SATB2: variants seen among roughly 807,000 people sequenced by gnomAD.
SATB2 encodes SATB homeobox 2.
Under a neutral mutation model 73.4 loss-of-function variants are expected in SATB2, and 1 was observed. That is an observed-to-expected ratio of 0.01 (90% confidence interval 0.00 to 0.06). The LOEUF (loss-of-function observed/expected upper bound fraction) is 0.06, where lower values mean the gene tolerates loss of function less well. SATB2 is among the 10% of genes least tolerant of loss of function. The pLI is 1.00. For missense variants in SATB2, 459 were observed against 945.8 expected (o/e 0.49, Z 6.75); for synonymous variants, 397 against 367.0 (o/e 1.08, Z -0.93).
intron 5 of SATB2, 121 bp downstream of exon 5, chr2:199,380,243 T>G (rs1012829437): frequency 4.0e-6 from 5 of 1,250,474 alleles, no homozygotes; most frequent in Non-Finnish European, 5.8e-6. Flanking sequence ...ACACCTCAAA[T>G]GCAGTTTAAG....
rs1300845546 is a variant in SATB2 at position 199,457,199 on chromosome 2, G to A, written c.-60+140C>T. 4 of 152,456 alleles carry A rather than the reference G, an allele frequency of 2.6e-5. No individual in the cohort carries two copies. 9.4% of individuals were successfully genotyped at this position (152,456 alleles called of 1,614,324 possible). ...TGCGAGATGAAGACACGGAGCAGGA[G>A]GGCTGAGGGCGAGGCTTCCGCCTGC... On this transcript the variant is annotated intron_variant, in intron 1 of 10. Coordinates refer to ENST00000417098, the MANE Select transcript of SATB2 (RefSeq NM_001172509.2). This position sits in a 1 kb window ranked among gnomAD's most constrained non-coding sequence, Gnocchi z 4.8.
At chr2:199,397,840 C>T (rs1690346830) in intron 3 of SATB2, 2 of 379,832 alleles carry the variant, frequency 5.3e-6, no homozygotes, top group African/African-American at 2.2e-5. Flanking sequence ...TGCTCTCCAG[C>T]CTAGGCGACA....
intron 3 of SATB2, among the ~76,000 whole-genome samples, chr2:199,390,390 A>C (rs1690094149): frequency 6.6e-6 from 1 of 152,220 alleles, no homozygotes; most frequent in African/African-American, 2.4e-5. Flanking sequence ...CATCCAGTAC[A>C]TATTTTCTTA....
intron 3 of SATB2, among the ~76,000 whole-genome samples, chr2:199,418,454 G>T (rs900799727): frequency 6.6e-6 from 1 of 152,016 alleles, no homozygotes; most frequent in East Asian, 1.9e-4. Flanking sequence ...CACCATCTAC[G>T]TTTCACTATA....
At chr2:199,401,707 T>C (rs1375180103) in intron 3 of SATB2, among the ~76,000 whole-genome samples, 1 of 151,998 alleles carries the variant, frequency 6.6e-6, no homozygotes, top group Non-Finnish European at 1.5e-5. Flanking sequence ...AAAAAATGTG[T>C]GATGGTCATA....
At chr2:199,333,440 A>G (rs558676632) in intron 7 of SATB2, among the ~76,000 whole-genome samples, 2 of 152,218 alleles carry the variant, frequency 1.3e-5, no homozygotes, top group African/African-American at 4.8e-5. Flanking sequence ...CTTAGCTGGA[A>G]TTTTAAATAT....
At chr2:199,383,225 T>C (rs1438683518) in intron 3 of SATB2, among the ~76,000 whole-genome samples, 1 of 152,204 alleles carries the variant, frequency 6.6e-6, no homozygotes, top group Admixed American at 6.5e-5. Context: ...ATGTCTCCAG[T>C]TCTGGCTCCT....
chr2:199,333,001 C>A (rs1490277552), intron 7 of SATB2, among the ~76,000 whole-genome samples: 1 of 152,030 alleles, frequency 6.6e-6, no homozygotes. Flanking sequence ...TCATTACTGA[C>A]TAGATTTTAA....
At chr2:199,411,423 A>G (rs1690813865) in intron 3 of SATB2, among the ~76,000 whole-genome samples, 1 of 152,184 alleles carries the variant, frequency 6.6e-6, no homozygotes, top group Non-Finnish European at 1.5e-5. Context: ...CTATTGCTCT[A>G]TTTATTAACA....
chr2:199,395,148 G>A (rs1052362991), intron 3 of SATB2, among the ~76,000 whole-genome samples: 1 of 151,526 alleles, frequency 6.6e-6, no homozygotes, highest in Admixed American at 6.6e-5. Context: ...GAATACAGAT[G>A]AGCCTTTGGA....
intron 5 of SATB2, among the ~76,000 whole-genome samples, chr2:199,375,362 C>G (rs1689569714): frequency 6.6e-6 from 1 of 152,194 alleles, no homozygotes; most frequent in Non-Finnish European, 1.5e-5. Context: ...CACTTAAACA[C>G]ACTTTGAAAG....
chr2:199,440,055 G>A (rs1052072322), intron 2 of SATB2, among the ~76,000 whole-genome samples: 12 of 152,208 alleles, frequency 7.9e-5, no homozygotes, highest in African/African-American at 2.4e-4. Context: ...GCAGTGAGCC[G>A]AGACCATGCC....
In SATB2 at chr2:199,349,170, T is replaced by C. The variant is rs1446810891; in HGVS notation, c.704A>G (p.Glu235Gly). 2 of 1,608,872 alleles carry C rather than the reference T, an allele frequency of 1.2e-6. No homozygotes were observed. Among genetic ancestry groups the C allele is most frequent in the East Asian group, 4.5e-5 (2 of 44,800 alleles). Residue 235 changes from glutamate (E) to glycine (G), a missense_variant, in exon 7 of 11, where the codon GAA becomes GGA. Coordinates refer to ENST00000417098, the MANE Select transcript of SATB2 (RefSeq NM_001172509.2). Reference sequence around the variant, plus strand: ...TGAAAGGTTTTCTCGTTCCACTCTTTCCACTGTTAAGAGATAAAAGTGATA... The same window carrying C: ...TGAAAGGTTTTCTCGTTCCACTCTTCCCACTGTTAAGAGATAAAAGTGATA... ...WYKKYKKIKVERVERENLSDY... is the reference protein window; with the variant it reads ...WYKKYKKIKVGRVERENLSDY...
upstream of SATB2, chr2:199,458,205 C>A (rs867656053): frequency 5.4e-5 from 3 of 55,804 alleles, no homozygotes; most frequent in Non-Finnish European, 5.9e-5. Flanking sequence ...GAGTGGGGGG[C>A]GGGGAGGAGG....
At chr2:199,325,501 T>A (rs1417627936) in intron 8 of SATB2, 3 of 152,184 alleles carry the variant, frequency 2.0e-5, no homozygotes, top group Admixed American at 2.0e-4. Context: ...GTTGGGACTT[T>A]CCCATTAAAA....
At chr2:199,315,720 A>G (rs1048468682) in intron 9 of SATB2, among the ~76,000 whole-genome samples, 1 of 152,148 alleles carries the variant, frequency 6.6e-6, no homozygotes, top group African/African-American at 2.4e-5. Flanking sequence ...ACTAAACACA[A>G]GTTCATAGCC....
At chr2:199,368,565 A>G in intron 6 of SATB2, 40 bp downstream of exon 6, 1 of 1,174,718 alleles carries the variant, frequency 8.5e-7, no homozygotes, top group Non-Finnish European at 1.3e-6. Flanking sequence ...TGAACCTCAG[A>G]AACTGAAAAC....
intron 6 of SATB2, among the ~76,000 whole-genome samples, chr2:199,359,346 G>T (rs969942653): frequency 6.6e-6 from 1 of 152,036 alleles, no homozygotes; most frequent in Non-Finnish European, 1.5e-5. Flanking sequence ...TCTCTAATTC[G>T]TACTTTATAA....
At chr2:199,331,133 T>G (rs1315478075) in intron 7 of SATB2, among the ~76,000 whole-genome samples, 1 of 151,976 alleles carries the variant, frequency 6.6e-6, no homozygotes, top group Non-Finnish European at 1.5e-5. Context: ...ATTGTTCTAA[T>G]GGACCATGGC....
Sources: gnomAD v4.1 joint callset for allele counts (sites outside exome capture counted in the v4.1 genomes callset) on GRCh38, gnomAD v4.1.1 for gene constraint, Gnocchi (gnomAD v3.1) non-coding constraint, MANE v1.5 for transcripts, NCBI Gene and HGNC (gene_info 2026-07-23, HGNC 2026-07-21) for gene names.